Variants in NTM observed in about 807,000 individuals in gnomAD.
NTM encodes the protein neurotrimin.
Under a neutral mutation model 42.1 loss-of-function variants are expected in NTM, and 13 were observed. The ratio of observed to expected loss-of-function variants is 0.31; its 90% CI spans 0.20 to 0.49. The LOEUF (loss-of-function observed/expected upper bound fraction) is 0.49, where lower values mean the gene tolerates loss of function less well. Among genes scored for constraint, NTM ranks in the 20% least tolerant of loss-of-function variants. The probability of loss-of-function intolerance (pLI) is 0.99; values close to 1 mark genes in which losing one functional copy is unlikely to be tolerated. For missense variants in NTM, 373 were observed against 452.8 expected (o/e 0.82, Z 1.60); for synonymous variants, 187 against 179.2 (o/e 1.04, Z -0.35).
intron 2 of NTM, among the ~76,000 whole-genome samples, chr11:132,128,665 A>C (rs113242851): frequency 6.6e-6 from 1 of 152,192 alleles, no homozygotes; most frequent in Admixed American, 6.5e-5. Flanking sequence ...CTGTAATCCC[A>C]GCACTTTGGG....
intron 1 of NTM, among the ~76,000 whole-genome samples, chr11:131,600,477 T>C (rs866121118): frequency 6.6e-6 from 1 of 152,204 alleles, no homozygotes; most frequent in African/African-American, 2.4e-5. Context: ...TTAGCAGCAA[T>C]GGGCTTTTGG....
intron 1 of NTM, among the ~76,000 whole-genome samples, chr11:131,459,794 T>G (rs763893198): frequency 1.2e-4 from 18 of 152,200 alleles, no homozygotes; most frequent in Non-Finnish European, 2.5e-4. Context: ...GTTTAACCTA[T>G]TTATCAGCAT....
At chr11:132,054,065 A>G (rs1157739567) in intron 2 of NTM, among the ~76,000 whole-genome samples, 1 of 152,148 alleles carries the variant, frequency 6.6e-6, no homozygotes, top group African/African-American at 2.4e-5. Flanking sequence ...AAAATACAAA[A>G]TTTGCCAGAT....
intron 1 of NTM, among the ~76,000 whole-genome samples, chr11:131,387,365 A>G (rs1432588568): frequency 6.6e-6 from 1 of 151,374 alleles, no homozygotes; most frequent in African/African-American, 2.4e-5. Context: ...ACTCTGCTCC[A>G]TCGCCCCACC....
chr11:131,897,451 T>C (rs2137635630), intron 1 of NTM, among the ~76,000 whole-genome samples: 1 of 152,324 alleles, frequency 6.6e-6, no homozygotes, highest in African/African-American at 2.4e-5. Context: ...TCACACTCAC[T>C]GTACAGAGAT....
intron 1 of NTM, among the ~76,000 whole-genome samples, chr11:131,819,932 T>TG (rs1744853150): frequency 6.6e-6 from 1 of 152,184 alleles, no homozygotes. Flanking sequence ...CCCAGATAAT[T>TG]GATTTCGGTC....
rs745841970 is a variant in NTM at position 131,529,189 on chromosome 11, G to A, written c.82+158301G>A. Among the ~76,000 whole-genome samples the A allele has an allele frequency of 3.9e-5, 6 of 152,216 alleles. No homozygotes were observed. In the South Asian group the frequency reaches 6.2e-4, roughly 16 times the overall value. ...CAGGCTGCGGCTAATGGCACAATTTGACATCCTGCCACAGTTTACCCACCC... is the reference window on the plus strand; with the variant it reads ...CAGGCTGCGGCTAATGGCACAATTTAACATCCTGCCACAGTTTACCCACCC... On this transcript the variant is annotated intron_variant, in intron 1 of 8. Coordinates refer to ENST00000683400, the MANE Select transcript of NTM (RefSeq NM_001352005.2).
At chr11:131,976,024 A>G (rs962971550) in intron 2 of NTM, among the ~76,000 whole-genome samples, 3 of 151,986 alleles carry the variant, frequency 2.0e-5, no homozygotes, top group East Asian at 1.9e-4. Flanking sequence ...TACCTGCTCA[A>G]AAAGAACCCA....
At chr11:131,383,014 A>T (rs965923271) in intron 1 of NTM, among the ~76,000 whole-genome samples, 1 of 152,156 alleles carries the variant, frequency 6.6e-6, no homozygotes, top group Non-Finnish European at 1.5e-5. Context: ...ATCCTTGCTC[A>T]CAGGTGATCT....
intron 1 of NTM, among the ~76,000 whole-genome samples, chr11:131,427,493 A>G (rs1418302891): frequency 6.6e-6 from 1 of 152,190 alleles, no homozygotes; most frequent in East Asian, 1.9e-4. Flanking sequence ...CCACATCAGG[A>G]TTTACCTCAC....
At chr11:131,470,167 C>T (rs532710064) in intron 1 of NTM, among the ~76,000 whole-genome samples, 3 of 152,272 alleles carry the variant, frequency 2.0e-5, no homozygotes, top group Admixed American at 2.0e-4. Flanking sequence ...TGGTTACTTT[C>T]TCTGTTTTAA....
intron 1 of NTM, among the ~76,000 whole-genome samples, chr11:131,482,092 A>C (rs1243539189): frequency 6.6e-6 from 1 of 152,230 alleles, no homozygotes; most frequent in Non-Finnish European, 1.5e-5. Context: ...CAAGGGACCC[A>C]AGGTTAATGG....
chr11:131,462,856 C>T (rs1951529935), intron 1 of NTM, among the ~76,000 whole-genome samples: 1 of 151,982 alleles, frequency 6.6e-6, no homozygotes, highest in Admixed American at 6.5e-5. Context: ...AGAGTAGGCC[C>T]ACCTAGGGTG....
intron 1 of NTM, among the ~76,000 whole-genome samples, chr11:131,388,984 C>T (rs1309646255): frequency 8.2e-6 from 1 of 122,634 alleles, no homozygotes; most frequent in Non-Finnish European, 1.6e-5. Context: ...TGCACTCCAG[C>T]CTGGGCGACA....
chr11:131,490,208 C>T (rs1954632989), intron 1 of NTM, among the ~76,000 whole-genome samples: 2 of 152,170 alleles, frequency 1.3e-5, no homozygotes, highest in Admixed American at 6.5e-5. Flanking sequence ...CCACTTCTAA[C>T]CCTGGAAATC....
intron 2 of NTM, among the ~76,000 whole-genome samples, chr11:132,140,430 C>G (rs556933197): frequency 6.6e-6 from 1 of 152,280 alleles, no homozygotes; most frequent in East Asian, 1.9e-4. Context: ...CATGGCCTAC[C>G]TCCGTTTTCT....
chr11:132,159,129 A>T (rs1221308323), intron 3 of NTM, among the ~76,000 whole-genome samples: 3 of 152,108 alleles, frequency 2.0e-5, no homozygotes, highest in African/African-American at 7.2e-5. Context: ...ACTGAGAGAG[A>T]ATGAAAACAA....
At chr11:132,109,310 T>C (rs896518975) in intron 2 of NTM, among the ~76,000 whole-genome samples, 3 of 152,126 alleles carry the variant, frequency 2.0e-5, no homozygotes, top group Non-Finnish European at 4.4e-5. Context: ...TAATTTACAC[T>C]CCCACCAACA....
chr11:131,742,152 A>G (rs116829781), intron 1 of NTM, among the ~76,000 whole-genome samples: 3,962 of 152,270 alleles, frequency 0.026, 177 homozygotes, highest in African/African-American at 0.09. Context: ...TGTTGAAGTA[A>G]TCTGTACAAC....
Sources: allele counts gnomAD v4.1 joint callset (sites outside exome capture counted in the v4.1 genomes callset), GRCh38; gene constraint gnomAD v4.1.1; transcripts MANE v1.5; gene names NCBI Gene and HGNC (gene_info 2026-07-23, HGNC 2026-07-21).